Variants in SNX1 observed in about 807,000 individuals in gnomAD.
SNX1 encodes the protein sorting nexin 1.
SNX1 carries 36 observed loss-of-function variants against 71.8 expected under a neutral mutation model. The observed-to-expected ratio is 0.50, with a 90% confidence interval of 0.38 to 0.66. SNX1 has a LOEUF of 0.66. Ranked by LOEUF, SNX1 falls within the 30% of genes least tolerant of loss-of-function variation. The probability of loss-of-function intolerance (pLI) is 0.00; values close to 1 mark genes in which losing one functional copy is unlikely to be tolerated. For missense variants in SNX1, 612 were observed against 646.7 expected (o/e 0.95, Z 0.58); for synonymous variants, 254 against 240.7 (o/e 1.06, Z -0.51).
At chr15:64,123,611 A>T in intron 5 of SNX1, 65 bp downstream of exon 5, 1 of 1,291,868 alleles carries the variant, frequency 7.7e-7, no homozygotes, top group Non-Finnish European at 1.1e-6. Flanking sequence ...CAAGGTCATC[A>T]TTCAGATTAT....
At chr15:64,102,969 G>A (rs942585728) in intron 1 of SNX1, among the ~76,000 whole-genome samples, 2 of 151,768 alleles carry the variant, frequency 1.3e-5, no homozygotes, top group Admixed American at 6.6e-5. Context: ...GTTTTGCCAC[G>A]TTGCCTAGGC....
chr15:64,127,746 T>C lies in SNX1; in HGVS notation c.747T>C (p.Ile249=). ...RAALERYLQR[I]VNHPTMLQDP... is the part of the protein sequence containing the mutation. ...TACCTTTTAGGTACCTTCAGAGGAT[T>C]GTAAATCATCCTACCATGTTACAGG... is the stretch of plus-strand genomic sequence containing the variant. Residue 249 remains isoleucine (I), a synonymous_variant, in exon 8 of 15, where the codon ATT becomes ATC. Transcript: ENST00000559844. 6.2e-7 allele frequency: 1 copy of C among 1,613,920 alleles called. No individual in the cohort carries two copies. The highest frequency in any genetic ancestry group is 1.6e-4 in the Middle Eastern group (1 of 6,062).
Position 64,140,183 on chromosome 15 carries a change from GT to G in SNX1, c.*2567del, listed in dbSNP as rs2081399262. On this transcript the variant is annotated 3_prime_UTR_variant, in exon 15 of 15. Coordinates refer to ENST00000559844, the MANE Select transcript of SNX1 (RefSeq NM_003099.5). ...GTATCAGTTGATTAGTCTTGTCCCA[GT>G]TATTACTGTCATGATTGACCAACAT... 6.6e-6 allele frequency: 1 copy of G among 152,246 alleles called. No homozygotes were observed. 9.4% of individuals were successfully genotyped at this position (152,246 alleles called of 1,614,324 possible).
At position 64,127,212 on chromosome 15, in the gene SNX1, T is replaced by C; in HGVS notation, c.691T>C (p.Ser231Pro). 6.2e-7 allele frequency: 1 copy of C among 1,613,926 alleles called. No individual in the cohort carries two copies. Among genetic ancestry groups the C allele is most frequent in the Non-Finnish European group, 8.5e-7 (1 of 1,179,918 alleles). Residue 231 changes from serine (S) to proline (P), a missense_variant, in exon 7 of 15, where the codon TCT becomes CCT. Coordinates refer to ENST00000559844, the MANE Select transcript of SNX1 (RefSeq NM_003099.5). Reference protein sequence around the residue: ...KVKVGKEDSSSAEFLEKRRAA... With the variant: ...KVKVGKEDSSPAEFLEKRRAA... ...GAAAGTTGGGAAGGAAGATTCTTCT[T>C]CTGCAGAATTTCTTGAAAAACGGAG... is the stretch of plus-strand genomic sequence containing the variant.
chr15:64,102,480 TC>T (rs1211136340), intron 1 of SNX1, among the ~76,000 whole-genome samples: 1 of 152,170 alleles, frequency 6.6e-6, no homozygotes, highest in Non-Finnish European at 1.5e-5. Flanking sequence ...TAGAACTTAT[TC>T]CTTCTAATTG....
At chr15:64,122,467 C>T (rs1224864050) in intron 4 of SNX1, among the ~76,000 whole-genome samples, 1 of 152,124 alleles carries the variant, frequency 6.6e-6, no homozygotes, top group Non-Finnish European at 1.5e-5. Context: ...CCTGTGTAAT[C>T]TTCAAATTCT....
At position 64,138,219 on chromosome 15, in the gene SNX1, TC is replaced by T; in HGVS notation, c.*604del. The T allele has an allele frequency of 2.7e-6, 4 of 1,500,744 alleles. No homozygotes were observed. The highest frequency in any genetic ancestry group is 3.5e-6 in the Non-Finnish European group (4 of 1,135,088). The allele number at this position is 1,500,744 out of a possible 1,614,324, so 93.0% of individuals were successfully genotyped here. A position where few individuals can be genotyped will look rare whatever the true frequency, so the allele number is the denominator to read the frequency against. ...CTGAGGGTCTCAATCTGTTTCGTAT[TC>T]CCACTTCTTTAGGGAAGGAGTTTTA... On this transcript the variant is annotated 3_prime_UTR_variant, in exon 15 of 15. Coordinates refer to ENST00000559844, the MANE Select transcript of SNX1 (RefSeq NM_003099.5).
chr15:64,121,697 T>A (rs2081198565), intron 4 of SNX1, among the ~76,000 whole-genome samples: 1 of 152,244 alleles, frequency 6.6e-6, no homozygotes. Flanking sequence ...AGCCCATGGA[T>A]CAGATGCATT....
intron 5 of SNX1, among the ~76,000 whole-genome samples, 174 bp from the exon 6 acceptor site, chr15:64,125,905 G>A (rs921932688): frequency 6.6e-6 from 1 of 152,168 alleles, no homozygotes; most frequent in African/African-American, 2.4e-5. Flanking sequence ...GACTGCCAAA[G>A]GGGAACTATA....
chr15:64,136,042 T>A (rs548729510), intron 12 of SNX1, among the ~76,000 whole-genome samples: 1 of 152,318 alleles, frequency 6.6e-6, no homozygotes, highest in African/African-American at 2.4e-5. Context: ...GCCCTGCTGG[T>A]GAGTACCTAA....
chr15:64,104,086 A>T (rs560881907), intron 1 of SNX1, among the ~76,000 whole-genome samples: 1 of 152,302 alleles, frequency 6.6e-6, no homozygotes, highest in East Asian at 1.9e-4. Context: ...AGGTATATGC[A>T]AAGACTCATT....
chr15:64,123,795 GCCCCATCCCT>G (rs2081219854), intron 5 of SNX1, among the ~76,000 whole-genome samples: 1 of 152,080 alleles, frequency 6.6e-6, no homozygotes, highest in Non-Finnish European at 1.5e-5. Context: ...ATCTGATACA[GCCCCATCCCT>G]CTTAGAGAAC....
Position 64,096,105 on chromosome 15 carries a change from G to A in SNX1, c.92G>A (p.Gly31Glu), listed in dbSNP as rs747288155. 55 of 1,564,036 alleles carry A rather than the reference G, an allele frequency of 3.5e-5. No homozygotes were observed. Among genetic ancestry groups the A allele is most frequent in the Admixed American group, 2.3e-4 (12 of 51,688 alleles). Reference protein sequence around the residue: ...LEPESEGAAGGSEPEAGDSDT... With the variant: ...LEPESEGAAGESEPEAGDSDT... ...CCGGAGTCCGAGGGGGCGGCCGGGG[G>A]ATCAGAACCCGAGGCTGGGGACAGC... is the stretch of plus-strand genomic sequence containing the variant. Residue 31 changes from glycine to glutamate, a missense_variant, in exon 1 of 15, where the codon GGA becomes GAA. Coordinates refer to ENST00000559844, the MANE Select transcript of SNX1 (RefSeq NM_003099.5).
chr15:64,137,113 A>C (rs1212010920), intron 14 of SNX1, among the ~76,000 whole-genome samples, 181 bp downstream of exon 14: 2 of 152,130 alleles, frequency 1.3e-5, no homozygotes, highest in African/African-American at 4.8e-5. Context: ...GTCTTTTACC[A>C]AGCAGGAGGG....
rs1170790407 is a variant in SNX1 at position 64,141,147 on chromosome 15, T to TA, written c.*3530dup. ...CACTGATGCTTTGAGACCAGCCCTG[T>TA]AGGTTTATTCCAGTCTGCCCCCTTT... is the stretch of plus-strand genomic sequence containing the variant. On this transcript the variant is annotated 3_prime_UTR_variant, in exon 15 of 15. Coordinates refer to ENST00000559844, the MANE Select transcript of SNX1 (RefSeq NM_003099.5). This position sits in a 1 kb window ranked among gnomAD's most constrained non-coding sequence, Gnocchi z 5.1. 6.6e-6 allele frequency: 1 copy of TA among 152,236 alleles called. No homozygotes were observed. Among genetic ancestry groups the TA allele is most frequent in the African/African-American group, 2.4e-5 (1 of 41,448 alleles). 9.4% of individuals were successfully genotyped at this position (152,236 alleles called of 1,614,324 possible).
At chr15:64,122,561 C>T (rs2081206580) in intron 4 of SNX1, among the ~76,000 whole-genome samples, 1 of 152,124 alleles carries the variant, frequency 6.6e-6, no homozygotes. Context: ...TCCAGTACTG[C>T]CTGCTCTTCC....
chr15:64,096,663 G>A (rs2140125049), intron 1 of SNX1, among the ~76,000 whole-genome samples: 1 of 152,288 alleles, frequency 6.6e-6, no homozygotes, highest in East Asian at 1.9e-4. Context: ...GGCCCTTTCT[G>A]GATCTTAGTT....
At chr15:64,127,876 CAA>C in intron 8 of SNX1, 70 bp downstream of exon 8, 1 of 1,166,014 alleles carries the variant, frequency 8.6e-7, no homozygotes, top group Non-Finnish European at 1.3e-6. Context: ...TAGTTCATTC[CAA>C]AAATATGTGA....
chr15:64,110,023 G>C (rs1165712861), intron 1 of SNX1, among the ~76,000 whole-genome samples: 1 of 152,192 alleles, frequency 6.6e-6, no homozygotes, highest in Non-Finnish European at 1.5e-5. Context: ...GGGTCTCACA[G>C]TAGTATTTGG....
Sources: allele counts gnomAD v4.1 joint callset (sites outside exome capture counted in the v4.1 genomes callset), GRCh38; gene constraint gnomAD v4.1.1; non-coding constraint Gnocchi (gnomAD v3.1); transcripts MANE v1.5; gene names NCBI Gene and HGNC (gene_info 2026-07-23, HGNC 2026-07-21).